SEC14L4: variants seen among roughly 807,000 people sequenced by gnomAD.
SEC14L4 encodes the protein SEC14 like lipid binding 4.
In SEC14L4, 42 loss-of-function variants were observed where a neutral mutation model predicts 55.1. The observed-to-expected ratio is 0.76, with a 90% CI of 0.60 to 0.99. SEC14L4 has a LOEUF of 0.99. Ranked by LOEUF, SEC14L4 falls within the 50% of genes least tolerant of loss-of-function variation. The probability of loss-of-function intolerance (pLI) is 0.00; values close to 1 mark genes in which losing one functional copy is unlikely to be tolerated. For synonymous variants in SEC14L4, 206 were observed against 206.8 expected (o/e 1.00, Z 0.03); for missense variants, 445 against 512.1 (o/e 0.87, Z 1.27).
rs1357250973 is a variant in SEC14L4 at position 30,489,520 on chromosome 22, G to A, written c.*587C>T. 2.0e-5 allele frequency: 8 copies of A among 395,862 alleles called. No homozygotes were observed. Among genetic ancestry groups the A allele is most frequent in the Non-Finnish European group, 3.2e-5 (7 of 217,654 alleles). The allele number at this position is 395,862 out of a possible 1,614,324, so 24.5% of individuals were successfully genotyped here. A position where few individuals can be genotyped will look rare whatever the true frequency, so the allele number is the denominator to read the frequency against. On this transcript the variant is annotated 3_prime_UTR_variant, in exon 12 of 12. Transcript: ENST00000255858. Reference sequence around the variant, plus strand: ...CTCCCAAACTGCTGGGATTATAGGCGTGAGCCACCACGCCCAGTCCATTTC... The same window carrying A: ...CTCCCAAACTGCTGGGATTATAGGCATGAGCCACCACGCCCAGTCCATTTC...
intron 1 of SEC14L4, among the ~76,000 whole-genome samples, chr22:30,504,438 C>T (rs1936429942): frequency 1.3e-5 from 2 of 152,190 alleles, no homozygotes; most frequent in Admixed American, 1.3e-4. Flanking sequence ...CCTGATACTG[C>T]ATCTTGAGGG....
At chr22:30,495,030 G>A in intron 5 of SEC14L4, 69 bp from the exon 6 acceptor site, 2 of 1,396,010 alleles carry the variant, frequency 1.4e-6, no homozygotes, top group South Asian at 1.2e-5. Flanking sequence ...GAGAGACTTG[G>A]GCACCTCTCC....
chr22:30,501,586 GTGGGATCCTGGA>G (rs1227510505), intron 2 of SEC14L4, among the ~76,000 whole-genome samples: 5 of 152,082 alleles, frequency 3.3e-5, no homozygotes, highest in Non-Finnish European at 5.9e-5. Flanking sequence ...TAAATATAAT[GTGGGATCCTGGA>G]TGGGATCCTG....
At chr22:30,495,872 A>G (rs9608944) in intron 3 of SEC14L4, 56 bp downstream of exon 3, 346,184 of 1,594,344 alleles carry the variant, frequency 0.22, 39,731 homozygotes, top group Admixed American at 0.26. Flanking sequence ...CTTTTGCAGC[A>G]AATCCCTGGG....
chr22:30,497,853 T>C (rs953668096), intron 2 of SEC14L4, among the ~76,000 whole-genome samples: 3 of 152,200 alleles, frequency 2.0e-5, no homozygotes, highest in African/African-American at 7.2e-5. Flanking sequence ...GGAAATGTCC[T>C]ATACCTGAGC....
Position 30,489,829 on chromosome 22 carries a change from TCCTCAGTGGA to T in SEC14L4, c.*268_*277del. 6.5e-7 allele frequency: 1 copy of T among 1,540,772 alleles called. No individual in the cohort carries two copies. The highest frequency in any genetic ancestry group is 8.8e-7 in the Non-Finnish European group (1 of 1,137,020). ...GGGCAGCTTCTGCAAGCAGGACCCA[TCCTCAGTGGA>T]CTGGATCATCTTCAGCGTTCTCATT... On this transcript the variant is annotated 3_prime_UTR_variant, in exon 12 of 12. Coordinates refer to ENST00000255858, the MANE Select transcript of SEC14L4 (RefSeq NM_174977.4).
At chr22:30,496,006 T>G in intron 2 of SEC14L4, 35 bp from the exon 3 acceptor site, 1 of 1,605,688 alleles carries the variant, frequency 6.2e-7, no homozygotes, top group Non-Finnish European at 8.5e-7. Context: ...AGCTCAAGGC[T>G]AGATCCAGAA....
rs1936160107 is a variant in SEC14L4, at chr22:30,496,578, G to A, written c.131-607C>T. Among the ~76,000 whole-genome samples the A allele has an allele frequency of 3.3e-5, 5 of 151,862 alleles. No individual in the cohort carries two copies. The South Asian group carries it at 1.0e-3, about 31-fold the overall frequency. On this transcript the variant is annotated intron_variant, in intron 2 of 11. Transcript: ENST00000255858. Reference sequence around the variant, plus strand: ...GCAGAGACACCCCCCCCCACCACCTGCACAGTGTTAGGGTTGGTGGGGAGC... The same window carrying A: ...GCAGAGACACCCCCCCCCACCACCTACACAGTGTTAGGGTTGGTGGGGAGC...
chr22:30,494,663 C>T (rs1054324981), intron 6 of SEC14L4, among the ~76,000 whole-genome samples: 2 of 152,182 alleles, frequency 1.3e-5, no homozygotes, highest in Non-Finnish European at 2.9e-5. Context: ...GCGTGAGCCA[C>T]CACGCCTGGC....
At chr22:30,501,846 C>CACATATATATATATATAT (rs1371947748) in intron 2 of SEC14L4, among the ~76,000 whole-genome samples, 1 of 111,908 alleles carries the variant, frequency 8.9e-6, no homozygotes, top group African/African-American at 3.5e-5. Flanking sequence ...CACACACGCA[C>CACATATATATATATATAT]ATATATATAT....
chr22:30,502,760 AG>A (rs1215883076), intron 2 of SEC14L4, among the ~76,000 whole-genome samples: 1 of 152,142 alleles, frequency 6.6e-6, no homozygotes, highest in African/African-American at 2.4e-5. Context: ...CATGTTGCCC[AG>A]GCTGGTCTTG....
rs772384030 is a variant in SEC14L4 at position 30,491,959 on chromosome 22, A to T, written c.786T>A (p.Gly262=). Residue 262 remains glycine (G), a synonymous_variant, in exon 10 of 12, where the codon GGT becomes GGA. Transcript: ENST00000255858. ...PKCLTKINYG[G]EVPKSYYLCE... ...ACAGGTAGTAGCTCTTGGGCACCTC[A>T]CCCCCATAGTTGATCTGTGGGTGAA... 1.9e-6 allele frequency: 3 copies of T among 1,613,690 alleles called. No homozygotes were observed. Among genetic ancestry groups the T allele is most frequent in the Non-Finnish European group, 2.5e-6 (3 of 1,179,934 alleles).
rs1190645160 is a variant in SEC14L4, at chr22:30,494,214, T to C, written c.520-4A>G. 3.7e-6 allele frequency: 6 copies of C among 1,612,618 alleles called. No individual in the cohort carries two copies. Among genetic ancestry groups the C allele is most frequent in the Non-Finnish European group, 5.1e-6 (6 of 1,178,636 alleles). On this transcript the variant is annotated splice_region_variant and splice_polypyrimidine_tract_variant and intron_variant, in intron 6 of 11. Coordinates refer to ENST00000255858, the MANE Select transcript of SEC14L4 (RefSeq NM_174977.4). ...TTGCTTCCAGGATGCTAAAAAACTGTGGAGTCAAGATGAGTCTGGTTGGGG... is the reference window on the plus strand; with the variant it reads ...TTGCTTCCAGGATGCTAAAAAACTGCGGAGTCAAGATGAGTCTGGTTGGGG...
chr22:30,493,615 C>T (rs1601844965), intron 7 of SEC14L4, among the ~76,000 whole-genome samples: 1 of 152,294 alleles, frequency 6.6e-6, no homozygotes, highest in African/African-American at 2.4e-5. Context: ...TAACAGTAAA[C>T]ATTTAGAAAC....
intron 2 of SEC14L4, 95 bp downstream of exon 2, chr22:30,503,582 C>G (rs1446142419): frequency 4.7e-6 from 4 of 855,776 alleles, no homozygotes; most frequent in Non-Finnish European, 7.4e-6. Flanking sequence ...TCTTTACTAC[C>G]CTACAGCTCC....
intron 2 of SEC14L4, among the ~76,000 whole-genome samples, chr22:30,502,117 C>T (rs142515794): frequency 0.019 from 2,830 of 151,704 alleles, 52 homozygotes; most frequent in Middle Eastern, 0.051. Context: ...CTGCCCGCCT[C>T]GGCCTCCCAA....
Position 30,490,115 on chromosome 22 carries a change from T to A in SEC14L4, c.1213A>T (p.Thr405Ser). 2 of 1,613,938 alleles carry A rather than the reference T, an allele frequency of 1.2e-6. No homozygotes were observed. Among genetic ancestry groups the A allele is most frequent in the South Asian group, 2.2e-5 (2 of 91,040 alleles). ...QSLKAMRPSP[T>S]Q The stretch of plus-strand genomic sequence containing the variant: ...AGAGGTGGCTGGGGTCTTCACTGTG[T>A]TGGGGAGGGTCTCATCGCCTTGAGA... Residue 405 changes from threonine to serine, a missense_variant, in exon 12 of 12, where the codon ACA becomes TCA. By Grantham distance (58) the Thr-to-Ser change is moderately conservative. Coordinates refer to ENST00000255858, the MANE Select transcript of SEC14L4 (RefSeq NM_174977.4).
chr22:30,499,529 G>C (rs1936255160), intron 2 of SEC14L4, among the ~76,000 whole-genome samples: 1 of 151,612 alleles, frequency 6.6e-6, no homozygotes, highest in Non-Finnish European at 1.5e-5. Flanking sequence ...CTTGAGGTCA[G>C]GAGTTCGAGA....
At chr22:30,493,493 T>TG (rs1359728254) in intron 7 of SEC14L4, among the ~76,000 whole-genome samples, 1 of 152,214 alleles carries the variant, frequency 6.6e-6, no homozygotes, top group Non-Finnish European at 1.5e-5. Flanking sequence ...CCTCTGACTC[T>TG]GGAACACATG....
Sources: gnomAD v4.1 joint callset for allele counts (sites outside exome capture counted in the v4.1 genomes callset) on GRCh38, gnomAD v4.1.1 for gene constraint, MANE v1.5 for transcripts, NCBI Gene and HGNC (gene_info 2026-07-23, HGNC 2026-07-21) for gene names.